GRM7: variants seen among roughly 807,000 people sequenced by gnomAD.
The protein encoded by GRM7 is glutamate metabotropic receptor 7, also known as metabotropic glutamate receptor 7.
In GRM7, 35 loss-of-function variants were observed where a neutral mutation model predicts 84.5. The ratio of observed to expected loss-of-function variants is 0.41; its 90% CI spans 0.32 to 0.55. GRM7 has a LOEUF of 0.55. Among genes scored for constraint, GRM7 ranks in the 20% least tolerant of loss-of-function variants. The probability of loss-of-function intolerance (pLI) is 0.19; values close to 1 mark genes in which losing one functional copy is unlikely to be tolerated. For synonymous variants in GRM7, 487 were observed against 455.1 expected, an observed-to-expected ratio of 1.07 and a Z score of -0.89; for missense variants, 1,003 against 1,194.6, an observed-to-expected ratio of 0.84 and a Z score of 2.36.
chr3:7,270,374 A>G (rs1212605471), intron 2 of GRM7, among the ~76,000 whole-genome samples: 1 of 152,216 alleles, frequency 6.6e-6, no homozygotes, highest in Non-Finnish European at 1.5e-5. Context: ...TTTGTATACC[A>G]TAGTATCTTT....
intron 4 of GRM7, 122 bp from the exon 5 acceptor site, chr3:7,414,901 G>A (rs963491382): frequency 3.7e-5 from 20 of 547,098 alleles, no homozygotes; most frequent in Non-Finnish European, 4.9e-5. Flanking sequence ...TTTTTTTTTC[G>A]GTCGACACAC....
chr3:7,733,449 C>T (rs890742841), intron 9 of GRM7, among the ~76,000 whole-genome samples: 10 of 152,228 alleles, frequency 6.6e-5, no homozygotes, highest in Admixed American at 6.5e-5. Context: ...CCACCCCATT[C>T]CCCCAGTGCA....
intron 1 of GRM7, among the ~76,000 whole-genome samples, chr3:6,900,438 A>G (rs906324581): frequency 6.6e-6 from 1 of 152,218 alleles, no homozygotes; most frequent in South Asian, 2.1e-4. Context: ...CTTAGACACC[A>G]CTTAAAACTA....
intron 9 of GRM7, chr3:7,691,302 T>C (rs1307291244): frequency 9.5e-6 from 12 of 1,264,702 alleles, no homozygotes; most frequent in Non-Finnish European, 1.2e-5. Flanking sequence ...TAGGAAAACA[T>C]GACATGGATC....
At chr3:7,229,108 G>A (rs1022006656) in intron 2 of GRM7, among the ~76,000 whole-genome samples, 20 of 152,128 alleles carry the variant, frequency 1.3e-4, no homozygotes, top group Non-Finnish European at 2.6e-4. Context: ...TGTCAAATTA[G>A]AAGGGGTTAC....
intron 7 of GRM7, among the ~76,000 whole-genome samples, chr3:7,483,433 G>A (rs1284028545): frequency 6.6e-6 from 1 of 152,154 alleles, no homozygotes; most frequent in Non-Finnish European, 1.5e-5. Flanking sequence ...AGCAACAGAG[G>A]AGCAGAACCC....
chr3:7,607,641 T>C (rs748007248), intron 8 of GRM7: 1 of 151,662 alleles, frequency 6.6e-6, no homozygotes, highest in Non-Finnish European at 1.5e-5. Flanking sequence ...CAGAGAAAAT[T>C]GGCTGGGGAG....
Position 7,635,075 on chromosome 3 carries a change from A to T in GRM7, c.2452-44974A>T, listed in dbSNP as rs563285389. 9.2e-5 allele frequency among the ~76,000 whole-genome samples: 14 copies of T among 152,306 alleles called. No homozygotes were observed. The East Asian group carries it at 2.7e-3, about 29-fold the overall frequency. Reference sequence around the variant, plus strand: ...GTGGCAGCCATAGCCTCATATGGGTATTGAGCACTTGAAGTGAGATTGGTG... The same window carrying T: ...GTGGCAGCCATAGCCTCATATGGGTTTTGAGCACTTGAAGTGAGATTGGTG... On this transcript the variant is annotated intron_variant, in intron 8 of 9. Transcript: ENST00000357716.
At chr3:7,460,580 G>A (rs1698205376) in intron 6 of GRM7, among the ~76,000 whole-genome samples, 2 of 152,090 alleles carry the variant, frequency 1.3e-5, no homozygotes, top group Admixed American at 1.3e-4. Context: ...TATTGGTCCA[G>A]TATTAGCCTA....
At chr3:7,514,093 G>A (rs1036891178) in intron 7 of GRM7, among the ~76,000 whole-genome samples, 1 of 152,200 alleles carries the variant, frequency 6.6e-6, no homozygotes, top group East Asian at 1.9e-4. Context: ...TGAGTATTGA[G>A]TCAATGAGAA....
Position 7,724,781 on chromosome 3 carries a change from ACAGGGTCTCACTCTGTTGC to A in GRM7, c.2699-15571_2699-15553del, listed in dbSNP as rs1214536226. 7.2e-5 allele frequency among the ~76,000 whole-genome samples: 11 copies of A among 152,228 alleles called. No homozygotes were observed. In the East Asian group the frequency reaches 2.1e-3, roughly 29 times the overall value. On this transcript the variant is annotated intron_variant, in intron 9 of 9. Transcript: ENST00000357716. Reference sequence around the variant, plus strand: ...TTTTTGTCTTTTTGTTTCTTTAGAGACAGGGTCTCACTCTGTTGCCAGGCTAGAGTGCAGTGGCACAATC... The same window carrying A: ...TTTTTGTCTTTTTGTTTCTTTAGAGACAGGCTAGAGTGCAGTGGCACAATC...
intron 7 of GRM7, among the ~76,000 whole-genome samples, chr3:7,531,580 A>G (rs756804812): frequency 1.3e-5 from 2 of 152,090 alleles, no homozygotes; most frequent in African/African-American, 2.4e-5. Context: ...GCAATTGTCA[A>G]TGGGAGTTCA....
At chr3:7,645,414 G>A (rs1159653091) in intron 8 of GRM7, among the ~76,000 whole-genome samples, 3 of 151,738 alleles carry the variant, frequency 2.0e-5, no homozygotes, top group Non-Finnish European at 4.4e-5. Flanking sequence ...GGGTGTGGTG[G>A]TGCGCGCCTG....
intron 8 of GRM7, among the ~76,000 whole-genome samples, chr3:7,649,219 A>G (rs56370636): frequency 0.36 from 53,996 of 151,510 alleles, 10,035 homozygotes; most frequent in African/African-American, 0.46. Context: ...ACAGGCACCC[A>G]CTACCACGCC....
intron 1 of GRM7, among the ~76,000 whole-genome samples, chr3:6,983,105 G>A (rs1319313493): frequency 6.6e-6 from 1 of 152,138 alleles, no homozygotes; most frequent in Non-Finnish European, 1.5e-5. Context: ...CTTTAGAAAT[G>A]TATTTTAATT....
chr3:7,404,104 T>C, intron 4 of GRM7, among the ~76,000 whole-genome samples: 1 of 152,182 alleles, frequency 6.6e-6, no homozygotes, highest in Admixed American at 6.6e-5. Flanking sequence ...AAAAATTCTA[T>C]ACTTAATTCC....
At chr3:6,879,615 A>C (rs1383478850) in intron 1 of GRM7, among the ~76,000 whole-genome samples, 1 of 152,322 alleles carries the variant, frequency 6.6e-6, no homozygotes, top group East Asian at 1.9e-4. Flanking sequence ...TGTTGTGAAT[A>C]GTATCAGGAC....
At chr3:7,536,097 G>A (rs1480861526) in intron 7 of GRM7, among the ~76,000 whole-genome samples, 1 of 152,142 alleles carries the variant, frequency 6.6e-6, no homozygotes, top group Non-Finnish European at 1.5e-5. Flanking sequence ...CCCACTCCTA[G>A]TACCAAAAGT....
intron 1 of GRM7, among the ~76,000 whole-genome samples, chr3:6,869,440 T>C (rs1403733337): frequency 6.6e-6 from 1 of 152,242 alleles, no homozygotes; most frequent in Non-Finnish European, 1.5e-5. Flanking sequence ...TAAGTGTCAA[T>C]ATTGCTTAAT....
Sources: gnomAD v4.1 joint callset for allele counts (sites outside exome capture counted in the v4.1 genomes callset) on GRCh38, gnomAD v4.1.1 for gene constraint, MANE v1.5 for transcripts, NCBI Gene and HGNC (gene_info 2026-07-23, HGNC 2026-07-21) for gene names.